The following PELI1 variants were observed in gnomAD, a reference collection of about 807,000 sequenced individuals.
PELI1 encodes the protein pellino E3 ubiquitin protein ligase 1.
Under a neutral mutation model 41.3 loss-of-function variants are expected in PELI1, and 15 were observed. The observed-to-expected ratio is 0.36, with a 90% CI of 0.24 to 0.56. PELI1 has a LOEUF of 0.56. PELI1 is among the 20% of genes least tolerant of loss of function. PELI1 has a pLI of 0.82. For missense variants in PELI1, 403 were observed against 525.5 expected, an observed-to-expected ratio of 0.77 and a Z score of 2.28; for synonymous variants, 178 against 180.1, an observed-to-expected ratio of 0.99 and a Z score of 0.09.
At chr2:64,112,289 T>G (rs1680830110) in intron 1 of PELI1, among the ~76,000 whole-genome samples, 1 of 152,114 alleles carries the variant, frequency 6.6e-6, no homozygotes, top group Non-Finnish European at 1.5e-5. Context: ...TTTCCTCATC[T>G]CTGAAAATGA....
At chr2:64,117,097 C>T (rs1681021719) in intron 1 of PELI1, among the ~76,000 whole-genome samples, 1 of 152,068 alleles carries the variant, frequency 6.6e-6, no homozygotes, top group Non-Finnish European at 1.5e-5. Flanking sequence ...CTCCTTAAGC[C>T]TCCCTATTTC....
At chr2:64,095,926 AGCCACC>A (rs2103658826) in intron 6 of PELI1, among the ~76,000 whole-genome samples, 193 bp downstream of exon 6, 1 of 152,262 alleles carries the variant, frequency 6.6e-6, no homozygotes, top group Admixed American at 6.5e-5. Context: ...TACAGGTGTG[AGCCACC>A]GCGCCCGGCT....
chr2:64,106,808 C>G (rs1263758547), intron 2 of PELI1, among the ~76,000 whole-genome samples: 2 of 152,220 alleles, frequency 1.3e-5, no homozygotes, highest in Non-Finnish European at 2.9e-5. Flanking sequence ...CTTACTATCT[C>G]AACTGAAACA....
At chr2:64,128,818 T>C (rs1053626440) in intron 1 of PELI1, among the ~76,000 whole-genome samples, 1 of 152,212 alleles carries the variant, frequency 6.6e-6, no homozygotes, top group Admixed American at 6.5e-5. Context: ...TTGGGTTTTA[T>C]GTAAGTTAAA....
intron 1 of PELI1, among the ~76,000 whole-genome samples, chr2:64,123,269 G>C (rs1681282148): frequency 1.3e-5 from 2 of 152,226 alleles, no homozygotes; most frequent in African/African-American, 4.8e-5. Context: ...TCACCAGATA[G>C]AGCACTGCCT....
At chr2:64,133,300 A>G (rs1314417277) in intron 1 of PELI1, among the ~76,000 whole-genome samples, 1 of 152,196 alleles carries the variant, frequency 6.6e-6, no homozygotes, top group Non-Finnish European at 1.5e-5. Flanking sequence ...TCATACAGTG[A>G]GTTTCAACCC....
At chr2:64,118,437 T>C (rs1383079827) in intron 1 of PELI1, among the ~76,000 whole-genome samples, 1 of 152,196 alleles carries the variant, frequency 6.6e-6, no homozygotes, top group Admixed American at 6.5e-5. Context: ...GAGCAGCGCA[T>C]GTCTGTATTC....
At chr2:64,143,751 T>C (rs2103757084) in intron 1 of PELI1, among the ~76,000 whole-genome samples, 1 of 152,002 alleles carries the variant, frequency 6.6e-6, no homozygotes, top group South Asian at 2.1e-4. Flanking sequence ...TTCCCTCTCC[T>C]CCCCGCCACC....
chr2:64,103,962 A>C (rs1021080287), intron 3 of PELI1, among the ~76,000 whole-genome samples: 3 of 152,226 alleles, frequency 2.0e-5, no homozygotes, highest in Admixed American at 2.0e-4. Context: ...GAATTCACAG[A>C]AAATATAAAG....
chr2:64,097,797 TTTA>T (rs2103664412), intron 4 of PELI1, among the ~76,000 whole-genome samples: 1 of 152,300 alleles, frequency 6.6e-6, no homozygotes, highest in African/African-American at 2.4e-5. Context: ...GATAAACCTC[TTTA>T]GTGTTTTTGT....
At chr2:64,129,272 A>C (rs927911625) in intron 1 of PELI1, among the ~76,000 whole-genome samples, 2 of 152,204 alleles carry the variant, frequency 1.3e-5, no homozygotes, top group Non-Finnish European at 2.9e-5. Flanking sequence ...ACATATTCAG[A>C]ACAAAATGTG....
intron 1 of PELI1, among the ~76,000 whole-genome samples, chr2:64,126,459 G>A (rs900290776): frequency 2.6e-5 from 4 of 152,174 alleles, no homozygotes; most frequent in Non-Finnish European, 5.9e-5. Context: ...ACTGTGCCCA[G>A]CGGGTCTCCC....
chr2:64,098,369 C>T (rs180727757), intron 4 of PELI1, among the ~76,000 whole-genome samples: 82 of 152,252 alleles, frequency 5.4e-4, no homozygotes, highest in Non-Finnish European at 9.1e-4. Context: ...GATTTGCCTC[C>T]CATCTACCAA....
intron 1 of PELI1, among the ~76,000 whole-genome samples, chr2:64,129,245 G>T (rs1042309088): frequency 1.8e-4 from 28 of 152,144 alleles, no homozygotes; most frequent in Admixed American, 1.8e-3. Flanking sequence ...CATTGTGTGG[G>T]TGGAGGAAAG....
rs1681632135 is a variant in PELI1 at position 64,133,782 on chromosome 2, AAC to A, written c.-70+10297_-70+10298del. Among the ~76,000 whole-genome samples the A allele has an allele frequency of 3.3e-5, 5 of 152,028 alleles. 1 individual carries two copies. The South Asian group carries it at 8.3e-4, about 25-fold the overall frequency. Reference sequence around the variant, plus strand: ...TCCTTTTCATGTAATAGATAATAAAAACCAAACCAATTAGAAATTAACTGGGA... The same window carrying A: ...TCCTTTTCATGTAATAGATAATAAAACAAACCAATTAGAAATTAACTGGGA... On this transcript the variant is annotated intron_variant, in intron 1 of 6. Coordinates refer to ENST00000358912, the MANE Select transcript of PELI1 (RefSeq NM_020651.4).
intron 1 of PELI1, among the ~76,000 whole-genome samples, chr2:64,111,297 T>C (rs1680800480): frequency 6.6e-6 from 1 of 152,128 alleles, no homozygotes; most frequent in Non-Finnish European, 1.5e-5. Context: ...TGTAGCCCAA[T>C]GAATAAGAAC....
intron 1 of PELI1, among the ~76,000 whole-genome samples, chr2:64,123,343 G>A (rs543609130): frequency 6.2e-4 from 95 of 152,166 alleles, no homozygotes; most frequent in Non-Finnish European, 1.2e-3. Flanking sequence ...CTCTTTAAAC[G>A]AACAAAAGAA....
rs189169238 is a variant in PELI1, at chr2:64,094,277, A to G, written c.*425T>C. 2 of 159,996 alleles carry G rather than the reference A, an allele frequency of 1.3e-5. No homozygotes were observed. Among genetic ancestry groups the G allele is most frequent in the East Asian group, 1.8e-4 (1 of 5,458 alleles). The allele number at this position is 159,996 out of a possible 1,614,324, so 9.9% of individuals were successfully genotyped here. ...TCAAGAACATTCTAAGGTATTTTCT[A>G]TAATAAAGATAAATAGAAAAAAGTT... On this transcript the variant is annotated 3_prime_UTR_variant, in exon 7 of 7. Coordinates refer to ENST00000358912, the MANE Select transcript of PELI1 (RefSeq NM_020651.4).
At chr2:64,104,623 C>T (rs1680557513) in intron 3 of PELI1, 78 bp downstream of exon 3, 1 of 1,454,266 alleles carries the variant, frequency 6.9e-7, no homozygotes. Flanking sequence ...AAGGGGAATG[C>T]TAGAGAATAC....
Sources: gnomAD v4.1 joint callset for allele counts (sites outside exome capture counted in the v4.1 genomes callset) on GRCh38, gnomAD v4.1.1 for gene constraint, MANE v1.5 for transcripts, NCBI Gene and HGNC (gene_info 2026-07-23, HGNC 2026-07-21) for gene names.